The following EMCN variants were observed in gnomAD, a reference collection of about 807,000 sequenced individuals.
EMCN encodes the protein endomucin, also known as MUC-14.
Under a neutral mutation model 38.4 loss-of-function variants are expected in EMCN, and 37 were observed. That is an observed-to-expected ratio of 0.96 (90% CI 0.74 to 1.27). EMCN has a LOEUF of 1.27. Among genes scored for constraint, EMCN ranks in the 50% most tolerant of loss-of-function variants. The pLI is 0.00. For missense variants in EMCN, 318 were observed against 302.8 expected, an observed-to-expected ratio of 1.05 and a Z score of -0.37; for synonymous variants, 95 against 100.8, an observed-to-expected ratio of 0.94 and a Z score of 0.35.
In EMCN at chr4:100,398,050, C is replaced by T. The variant is rs753257992; in HGVS notation, c.*363G>A. On this transcript the variant is annotated 3_prime_UTR_variant, in exon 12 of 12. Coordinates refer to ENST00000296420, the MANE Select transcript of EMCN (RefSeq NM_016242.4). ...TCTTCATGGATAAAAATTCTTGGCCCGGAAAACTTTAAACATTAAGGAAAG... is the reference window on the plus strand; with the variant it reads ...TCTTCATGGATAAAAATTCTTGGCCTGGAAAACTTTAAACATTAAGGAAAG... The T allele has an allele frequency of 6.6e-5, 10 of 151,680 alleles. No individual in the cohort carries two copies. The highest frequency in any genetic ancestry group is 9.7e-5 in the African/African-American group (4 of 41,284). The allele number at this position is 151,680 out of a possible 1,614,324, so 9.4% of individuals were successfully genotyped here.
At chr4:100,449,726 T>A (rs2110245564) in intron 4 of EMCN, among the ~76,000 whole-genome samples, 1 of 152,134 alleles carries the variant, frequency 6.6e-6, no homozygotes, top group African/African-American at 2.4e-5. Flanking sequence ...TAGAGGAACA[T>A]AATAAAAGAA....
chr4:100,433,326 T>A (rs1451293500), intron 5 of EMCN, among the ~76,000 whole-genome samples: 2 of 152,214 alleles, frequency 1.3e-5, no homozygotes, highest in Non-Finnish European at 2.9e-5. Flanking sequence ...AATATTTCAC[T>A]GAATATGGAA....
Position 100,434,082 on chromosome 4 carries a change from AG to A in EMCN, c.416-10679del, listed in dbSNP as rs1340125138. On this transcript the variant is annotated intron_variant, in intron 5 of 11. Coordinates refer to ENST00000296420, the MANE Select transcript of EMCN (RefSeq NM_016242.4). Reference sequence around the variant, plus strand: ...AAACCTTCAATAAATCAATGAATCCAGGAGTTGGCTTTTTGAAAAAATTAAT... The same window carrying A: ...AAACCTTCAATAAATCAATGAATCCAGAGTTGGCTTTTTGAAAAAATTAAT... Among the ~76,000 whole-genome samples, 7 of 152,266 alleles carry A rather than the reference AG, an allele frequency of 4.6e-5. 1 individual carries two copies. Among genetic ancestry groups the A allele is most frequent in the African/African-American group, 1.7e-4 (7 of 41,564 alleles).
intron 1 of EMCN, among the ~76,000 whole-genome samples, chr4:100,504,376 G>T (rs368179282): frequency 6.6e-6 from 1 of 152,172 alleles, no homozygotes; most frequent in African/African-American, 2.4e-5. Flanking sequence ...CCATCCAGGC[G>T]CTGAGGCAAG....
At chr4:100,479,193 G>C (rs1277862728) in intron 2 of EMCN, among the ~76,000 whole-genome samples, 2 of 152,102 alleles carry the variant, frequency 1.3e-5, no homozygotes, top group East Asian at 3.8e-4. Context: ...CATTCATCAA[G>C]ATATATGATT....
In EMCN at chr4:100,397,963, A is replaced by C. The variant is rs1726158389; in HGVS notation, c.*450T>G. The C allele has an allele frequency of 6.6e-6, 1 of 152,118 alleles. No individual in the cohort carries two copies. Among genetic ancestry groups the C allele is most frequent in the African/African-American group, 2.4e-5 (1 of 41,428 alleles). The allele number at this position is 152,118 out of a possible 1,614,324, so 9.4% of individuals were successfully genotyped here. ...ACGTGCAACTTTTCCCTGCATTAAC[A>C]TAGTGGTAAACAATAAATACTAACA... On this transcript the variant is annotated 3_prime_UTR_variant, in exon 12 of 12. Coordinates refer to ENST00000296420, the MANE Select transcript of EMCN (RefSeq NM_016242.4).
At chr4:100,400,353 A>ATTTTTTTTTTTTTTTT (rs3214622) in intron 11 of EMCN, among the ~76,000 whole-genome samples, 1 of 146,748 alleles carries the variant, frequency 6.8e-6, no homozygotes, top group Non-Finnish European at 1.5e-5. Flanking sequence ...CCTAGGCCAC[A>ATTTTTTTTTTTTTTTT]TTTTTTTTTT....
At chr4:100,436,211 G>T (rs1318531298) in intron 5 of EMCN, among the ~76,000 whole-genome samples, 1 of 151,900 alleles carries the variant, frequency 6.6e-6, no homozygotes, top group African/African-American at 2.4e-5. Flanking sequence ...CAAATGACAG[G>T]AACAGATGCT....
intron 11 of EMCN, among the ~76,000 whole-genome samples, chr4:100,404,079 G>A (rs1217537487): frequency 1.3e-5 from 2 of 151,856 alleles, no homozygotes; most frequent in East Asian, 3.9e-4. Flanking sequence ...GTTTAGCTAG[G>A]TCTTGTTAGT....
intron 3 of EMCN, among the ~76,000 whole-genome samples, chr4:100,471,593 G>C (rs1308756550): frequency 6.6e-6 from 1 of 151,768 alleles, no homozygotes; most frequent in Non-Finnish European, 1.5e-5. Flanking sequence ...ATTCTATGAG[G>C]CTAGTATTAT....
rs1173770492 is a variant in EMCN, at chr4:100,396,511, G to C, written c.*1902C>G. On this transcript the variant is annotated 3_prime_UTR_variant, in exon 12 of 12. Coordinates refer to ENST00000296420, the MANE Select transcript of EMCN (RefSeq NM_016242.4). ...AGAGCTCGGTAAATTATCTAGGTGT[G>C]CTGGGACTTTCTTTCTTTCTTTTTT... 1 of 149,452 alleles carries C rather than the reference G, an allele frequency of 6.7e-6. No individual in the cohort carries two copies. Among genetic ancestry groups the C allele is most frequent in the Non-Finnish European group, 1.5e-5 (1 of 67,796 alleles). 9.3% of individuals were successfully genotyped at this position (149,452 alleles called of 1,614,324 possible).
At chr4:100,466,509 A>G (rs1213666561) in intron 3 of EMCN, among the ~76,000 whole-genome samples, 1 of 152,254 alleles carries the variant, frequency 6.6e-6, no homozygotes, top group Non-Finnish European at 1.5e-5. Flanking sequence ...GACAGTAGAT[A>G]AATACATTTT....
intron 1 of EMCN, among the ~76,000 whole-genome samples, chr4:100,487,409 C>T (rs924373292): frequency 6.6e-6 from 1 of 152,142 alleles, no homozygotes; most frequent in African/African-American, 2.4e-5. Context: ...CTGAGGGGAG[C>T]AGCACTGCTT....
At chr4:100,479,134 G>A (rs893048547) in intron 2 of EMCN, among the ~76,000 whole-genome samples, 1 of 152,078 alleles carries the variant, frequency 6.6e-6, no homozygotes, top group Non-Finnish European at 1.5e-5. Context: ...TGAAAATTAA[G>A]GGGGGAATAG....
At chr4:100,413,998 A>G (rs1189813993) in intron 10 of EMCN, among the ~76,000 whole-genome samples, 3 of 152,146 alleles carry the variant, frequency 2.0e-5, no homozygotes, top group Non-Finnish European at 4.4e-5. Flanking sequence ...CTGCTATTAC[A>G]TTTGCAACGA....
intron 1 of EMCN, chr4:100,487,113 G>A: frequency 1.5e-6 from 1 of 663,104 alleles, no homozygotes; most frequent in Non-Finnish European, 1.9e-6. Context: ...AATGCTCCTT[G>A]GCCTTCAGAC....
chr4:100,497,877 A>C lies in EMCN; in HGVS notation c.65-17838T>G, dbSNP rs184716819. ...AGTAAAATAGTATAGGAGTAAATGC[A>C]TCAGGAAAGATGTAAAACCAAAGGA... On this transcript the variant is annotated intron_variant, in intron 1 of 11. Transcript: ENST00000296420. Among the ~76,000 whole-genome samples, 470 of 152,368 alleles carry C rather than the reference A, an allele frequency of 3.1e-3. 2 individuals are homozygous for C. Among genetic ancestry groups the C allele is most frequent in the Admixed American group, 6.1e-3 (93 of 15,306 alleles).
intron 1 of EMCN, among the ~76,000 whole-genome samples, chr4:100,481,097 T>C (rs1728793577): frequency 6.6e-6 from 1 of 152,120 alleles, no homozygotes; most frequent in South Asian, 2.1e-4. Flanking sequence ...ATGGAAAGCA[T>C]TGTTTTTTGT....
At chr4:100,467,681 CAAA>C (rs3974786) in intron 3 of EMCN, among the ~76,000 whole-genome samples, 2 of 83,622 alleles carry the variant, frequency 2.4e-5, no homozygotes. Flanking sequence ...GACTCCGTCT[CAAA>C]AAAAAAAAAA....
Sources: allele counts gnomAD v4.1 joint callset (sites outside exome capture counted in the v4.1 genomes callset), GRCh38; gene constraint gnomAD v4.1.1; transcripts MANE v1.5; gene names NCBI Gene and HGNC (gene_info 2026-07-23, HGNC 2026-07-21).